Variants in PDIA5 observed in about 807,000 individuals in gnomAD.
PDIA5 encodes the protein protein disulfide-isomerase A5.
In PDIA5, 58 loss-of-function variants were observed where a neutral mutation model predicts 77.6. The ratio of observed to expected loss-of-function variants is 0.75; its 90% CI spans 0.61 to 0.93. The LOEUF (loss-of-function observed/expected upper bound fraction) is 0.93, where lower values mean the gene tolerates loss of function less well. Ranked by LOEUF, PDIA5 falls within the 40% of genes least tolerant of loss-of-function variation. PDIA5 has a pLI of 0.00. For missense variants in PDIA5, 630 were observed against 647.7 expected (o/e 0.97, Z 0.30); for synonymous variants, 250 against 252.1 (o/e 0.99, Z 0.08).
At chr3:123,155,161 T>C (rs1235161444) in intron 15 of PDIA5, 120 bp downstream of exon 15, 1 of 732,032 alleles carries the variant, frequency 1.4e-6, no homozygotes, top group Non-Finnish European at 2.4e-6. Context: ...AGCAGGAAAT[T>C]CCTTGGGAAC....
chr3:123,083,492 T>C (rs1202026522), intron 1 of PDIA5, among the ~76,000 whole-genome samples: 1 of 152,182 alleles, frequency 6.6e-6, no homozygotes, highest in Non-Finnish European at 1.5e-5. Context: ...AAGCAATTAT[T>C]GGAGAAGGTC....
At chr3:123,145,392 G>A in intron 11 of PDIA5, 130 bp from the exon 12 acceptor site, 1 of 660,144 alleles carries the variant, frequency 1.5e-6, no homozygotes. Context: ...TCTTTTCTTT[G>A]AGCTGGTGCT....
In PDIA5 at chr3:123,138,036, C is replaced by T. The variant is rs990571576; in HGVS notation, c.910+7420C>T. ...TCATAGCTCACTGCAATTTCAAACT[C>T]CTGGGTTCAAGTGATCCTCCTGCCT... is the stretch of plus-strand genomic sequence containing the variant. On this transcript the variant is annotated intron_variant, in intron 11 of 16. Transcript: ENST00000316218. Among the ~76,000 whole-genome samples, 62 of 152,174 alleles carry T rather than the reference C, an allele frequency of 4.1e-4. 1 individual carries two copies. Among genetic ancestry groups the T allele is most frequent in the African/African-American group, 1.4e-3 (58 of 41,444 alleles).
chr3:123,106,062 C>T (rs182468041), intron 5 of PDIA5, among the ~76,000 whole-genome samples: 13 of 152,348 alleles, frequency 8.5e-5, no homozygotes, highest in Non-Finnish European at 1.8e-4. Flanking sequence ...TCTGTAAGAA[C>T]TTGGTCAGAT....
At chr3:123,098,348 G>A (rs531746090) in intron 3 of PDIA5, among the ~76,000 whole-genome samples, 1 of 151,848 alleles carries the variant, frequency 6.6e-6, no homozygotes, top group East Asian at 1.9e-4. Flanking sequence ...CCGTCTCCCA[G>A]ACCTTGTTTT....
At position 123,130,552 on chromosome 3, in the gene PDIA5, C is replaced by G. The variant is rs778671917; in HGVS notation, c.846C>G (p.Thr282=). 13 of 1,613,992 alleles carry G rather than the reference C, an allele frequency of 8.1e-6. No homozygotes were observed. In the African/African-American group the frequency reaches 1.6e-4, roughly 20 times the overall value. Residue 282 remains threonine, a synonymous_variant, in exon 11 of 17, where the codon ACC becomes ACG. Transcript: ENST00000316218. ...ADEGGSVYHL[T]DEDFDQFVKE... is the part of the protein sequence containing the mutation. The stretch of plus-strand genomic sequence containing the variant: ...AGGGCGGCTCCGTTTATCACCTGAC[C>G]GATGAAGACTTTGACCAGTTTGTGA...
At chr3:123,091,638 C>T (rs1369762418) in intron 2 of PDIA5, among the ~76,000 whole-genome samples, 1 of 152,172 alleles carries the variant, frequency 6.6e-6, no homozygotes, top group Admixed American at 6.5e-5. Flanking sequence ...ATGAGAAAGT[C>T]TTCCTTTCTT....
chr3:123,128,985 A>G lies in PDIA5; in HGVS notation c.774-1495A>G, dbSNP rs573799755. ...TTGTCCACATCAGTGCATAGAGAAC[A>G]TCATTCTTTGCAGTGCTCAGCCCTC... On this transcript the variant is annotated intron_variant, in intron 10 of 16. Transcript: ENST00000316218. 2.0e-5 allele frequency among the ~76,000 whole-genome samples: 3 copies of G among 152,346 alleles called. No homozygotes were observed. The South Asian group carries it at 6.2e-4, about 32-fold the overall frequency.
At chr3:123,122,144 A>T (rs1935135054) in intron 8 of PDIA5, among the ~76,000 whole-genome samples, 1 of 152,258 alleles carries the variant, frequency 6.6e-6, no homozygotes, top group African/African-American at 2.4e-5. Context: ...TGGGCATTGA[A>T]TGTGGAGCTG....
At position 123,089,151 on chromosome 3, in the gene PDIA5, G is replaced by A; in HGVS notation, c.43-17G>A. ...CCAGAAGCTGGAACTCACAGTCGTT[G>A]GCTCCTTGATCCCCAGGTGGTCCTG... On this transcript the variant is annotated splice_polypyrimidine_tract_variant and intron_variant, in intron 1 of 16. Coordinates refer to ENST00000316218, the MANE Select transcript of PDIA5 (RefSeq NM_006810.4). 6.2e-7 allele frequency: 1 copy of A among 1,610,568 alleles called. No homozygotes were observed. Among genetic ancestry groups the A allele is most frequent in the East Asian group, 2.2e-5 (1 of 44,856 alleles).
intron 7 of PDIA5, among the ~76,000 whole-genome samples, chr3:123,114,314 C>T (rs911379113): frequency 1.3e-5 from 2 of 152,172 alleles, no homozygotes; most frequent in Non-Finnish European, 2.9e-5. Context: ...GGGAGTGCAG[C>T]GACATCCTCT....
intron 1 of PDIA5, among the ~76,000 whole-genome samples, chr3:123,084,251 C>T (rs552310956): frequency 1.2e-4 from 19 of 152,270 alleles, no homozygotes; most frequent in South Asian, 1.2e-3. Flanking sequence ...CCATTATCAC[C>T]GCAGCTCCTG....
chr3:123,093,264 TG>T (rs1934345928), intron 3 of PDIA5, among the ~76,000 whole-genome samples: 14 of 151,808 alleles, frequency 9.2e-5, no homozygotes, highest in Non-Finnish European at 1.5e-4. Context: ...AGAGGGTGTG[TG>T]TGTGTGTGTG....
rs368445556 is a variant in PDIA5, at chr3:123,154,964, C to T, written c.1274-7C>T. The T allele has an allele frequency of 1.6e-5, 25 of 1,597,838 alleles. No individual in the cohort carries two copies. Among genetic ancestry groups the T allele is most frequent in the African/African-American group, 1.3e-4 (10 of 74,600 alleles). On this transcript the variant is annotated splice_polypyrimidine_tract_variant and splice_region_variant and intron_variant, in intron 14 of 16. Coordinates refer to ENST00000316218, the MANE Select transcript of PDIA5 (RefSeq NM_006810.4). ...AGTCCTGTGTGCTCTCTTCCCCTCT[C>T]ACACAGGGTGCCCACACTGTAAGAA...
chr3:123,155,569 A>G (rs1936003812), intron 15 of PDIA5, among the ~76,000 whole-genome samples: 1 of 152,208 alleles, frequency 6.6e-6, no homozygotes, highest in South Asian at 2.1e-4. Context: ...TCCCCCAGGC[A>G]GCTGGTGCAG....
At position 123,124,131 on chromosome 3, in the gene PDIA5, C is replaced by T. The variant is rs566969984; in HGVS notation, c.675C>T (p.Arg225=). ...ACATCAAGGAGGAGTACAGCGTGCG[C>T]GGCTTCCCCACCATCTGCTATTTTG... The part of the protein sequence containing the change: ...FENIKEEYSV[R]GFPTICYFEK... The change falls in exon 9 of 17, where the codon CGC becomes CGT. Residue 225 remains arginine, a synonymous_variant. Transcript: ENST00000316218. 42 of 1,613,666 alleles carry T rather than the reference C, an allele frequency of 2.6e-5. No individual in the cohort carries two copies. The highest frequency in any genetic ancestry group is 2.2e-4 in the East Asian group (10 of 44,900).
intron 1 of PDIA5, among the ~76,000 whole-genome samples, chr3:123,085,775 C>G (rs888126086): frequency 4.6e-5 from 7 of 152,192 alleles, no homozygotes; most frequent in Non-Finnish European, 7.3e-5. Context: ...AGTCCTGAGG[C>G]CCTGGGCAAG....
chr3:123,125,100 G>A (rs1935211623), intron 10 of PDIA5, among the ~76,000 whole-genome samples: 1 of 152,080 alleles, frequency 6.6e-6, no homozygotes, highest in Non-Finnish European at 1.5e-5. Flanking sequence ...GCACTTCCAC[G>A]ACAGGCTCAC....
chr3:123,135,848 A>G (rs891679004), intron 11 of PDIA5, among the ~76,000 whole-genome samples: 99 of 144,538 alleles, frequency 6.8e-4, no homozygotes, highest in Non-Finnish European at 1.2e-3. Context: ...AGAGGATACC[A>G]TAAAATCGAC....
Sources: gnomAD v4.1 joint callset for allele counts (sites outside exome capture counted in the v4.1 genomes callset) on GRCh38, gnomAD v4.1.1 for gene constraint, MANE v1.5 for transcripts, NCBI Gene and HGNC (gene_info 2026-07-23, HGNC 2026-07-21) for gene names.